The following TPX2 variants were observed in gnomAD, a reference collection of about 807,000 sequenced individuals.
The protein encoded by TPX2 is TPX2 microtubule nucleation factor.
Under a neutral mutation model 93.6 loss-of-function variants are expected in TPX2, and 21 were observed. The observed-to-expected ratio is 0.22, with a 90% CI of 0.16 to 0.32. The LOEUF (loss-of-function observed/expected upper bound fraction) is 0.32. TPX2 is among the 10% of genes least tolerant of loss of function. The pLI is 1.00. For synonymous variants in TPX2, 281 were observed against 298.3 expected, an observed-to-expected ratio of 0.94 and a Z score of 0.60; for missense variants, 776 against 871.1, an observed-to-expected ratio of 0.89 and a Z score of 1.37.
chr20:31,740,676 G>A (rs1028971494), intron 1 of TPX2, among the ~76,000 whole-genome samples: 13 of 152,204 alleles, frequency 8.5e-5, no homozygotes, highest in African/African-American at 3.1e-4. Flanking sequence ...GTGAGAATCA[G>A]AGCAAGATAG....
intron 7 of TPX2, among the ~76,000 whole-genome samples, chr20:31,773,705 T>A (rs1357416943): frequency 6.6e-6 from 1 of 152,238 alleles, no homozygotes; most frequent in African/African-American, 2.4e-5. Context: ...CATGAAATTA[T>A]TATTTTAAAA....
chr20:31,793,601 T>C (rs774045535), intron 13 of TPX2, among the ~76,000 whole-genome samples: 5 of 152,226 alleles, frequency 3.3e-5, no homozygotes, highest in Non-Finnish European at 7.3e-5. Context: ...TTCATAATGT[T>C]AGATCTTATT....
intron 12 of TPX2, among the ~76,000 whole-genome samples, chr20:31,789,512 G>A (rs893360917): frequency 4.0e-5 from 6 of 151,896 alleles, no homozygotes; most frequent in Non-Finnish European, 8.8e-5. Context: ...CAGTTACTAC[G>A]GGGTCTTCTA....
intron 7 of TPX2, 39 bp from the exon 8 acceptor site, chr20:31,775,828 C>G (rs747169813): frequency 6.9e-7 from 1 of 1,447,542 alleles, no homozygotes; most frequent in Non-Finnish European, 9.1e-7. Context: ...GGGTGCCTTT[C>G]TCCTCTCCTC....
intron 2 of TPX2, among the ~76,000 whole-genome samples, chr20:31,755,248 G>A (rs1271707984): frequency 1.3e-5 from 2 of 149,218 alleles, no homozygotes; most frequent in Non-Finnish European, 3.0e-5. Flanking sequence ...GTGCCCGGCC[G>A]CTTTTTTGTA....
chr20:31,746,347 T>G (rs1161768584), intron 2 of TPX2, among the ~76,000 whole-genome samples: 1 of 152,160 alleles, frequency 6.6e-6, no homozygotes, highest in Non-Finnish European at 1.5e-5. Flanking sequence ...AAAATGTAGG[T>G]GTTTTCTCTC....
intron 4 of TPX2, among the ~76,000 whole-genome samples, chr20:31,761,347 G>A (rs768961730): frequency 1.6e-4 from 24 of 151,766 alleles, no homozygotes; most frequent in Admixed American, 1.2e-3. Flanking sequence ...GATTACAGGC[G>A]CCCACCAGCA....
At chr20:31,775,707 T>C (rs2061991919) in intron 7 of TPX2, among the ~76,000 whole-genome samples, 160 bp from the exon 8 acceptor site, 1 of 152,210 alleles carries the variant, frequency 6.6e-6, no homozygotes, top group Non-Finnish European at 1.5e-5. Context: ...TTTCATGGTG[T>C]TATCTAATTA....
intron 4 of TPX2, 133 bp downstream of exon 4, chr20:31,760,312 C>A: frequency 1.7e-6 from 2 of 1,174,234 alleles, no homozygotes; most frequent in Non-Finnish European, 1.2e-6. Context: ...TAATTCATTT[C>A]ATGATAAATG....
At chr20:31,786,237 T>G (rs1031030544) in intron 12 of TPX2, among the ~76,000 whole-genome samples, 3 of 151,950 alleles carry the variant, frequency 2.0e-5, no homozygotes, top group Non-Finnish European at 2.9e-5. Context: ...ATACGAATCT[T>G]AGGTGATATG....
chr20:31,790,621 G>A (rs1263376387), intron 12 of TPX2, among the ~76,000 whole-genome samples: 1 of 152,196 alleles, frequency 6.6e-6, no homozygotes, highest in Non-Finnish European at 1.5e-5. Context: ...AACGGTTGCA[G>A]CATTGTTGGG....
chr20:31,786,738 G>C (rs915546948), intron 12 of TPX2, among the ~76,000 whole-genome samples: 1 of 152,222 alleles, frequency 6.6e-6, no homozygotes, highest in South Asian at 2.1e-4. Context: ...TTAGGAAATT[G>C]GTTTGTCAGT....
chr20:31,789,621 AC>A (rs1568605340), intron 12 of TPX2, among the ~76,000 whole-genome samples: 1 of 152,070 alleles, frequency 6.6e-6, no homozygotes, highest in Non-Finnish European at 1.5e-5. Flanking sequence ...ACAAAAAAAA[AC>A]AAAAAAAAAC....
In TPX2 at chr20:31,763,770, A is replaced by G. The variant is rs1172923223; in HGVS notation, c.230-2786A>G. Reference sequence around the variant, plus strand: ...CGTGATACCTCATGCCTGTAATCCCAGCACTTTGGGAGGCTGAGGTGGGCG... The same window carrying G: ...CGTGATACCTCATGCCTGTAATCCCGGCACTTTGGGAGGCTGAGGTGGGCG... On this transcript the variant is annotated intron_variant, in intron 4 of 17. Transcript: ENST00000300403. Among the ~76,000 whole-genome samples, 4 of 146,102 alleles carry G rather than the reference A, an allele frequency of 2.7e-5. No homozygotes were observed. In the Admixed American group the frequency reaches 2.8e-4, roughly 10 times the overall value.
intron 7 of TPX2, among the ~76,000 whole-genome samples, chr20:31,773,084 C>T (rs978343205): frequency 2.8e-5 from 4 of 143,288 alleles, no homozygotes; most frequent in Admixed American, 7.5e-5. Flanking sequence ...TCAAGTGATT[C>T]TCCTACCTCA....
Position 31,778,901 on chromosome 20 carries a change from A to G in TPX2, c.971A>G (p.Tyr324Cys), listed in dbSNP as rs779875849. ...ACATTTGATGAAACAGTTTCTACAT[A>G]TGTGCCCCTTGCACAGCAAGTTGAA... is the stretch of plus-strand genomic sequence containing the variant. ...KRTFDETVST[Y>C]VPLAQQVEDF... The change falls in exon 10 of 18, where the codon TAT (tyrosine) becomes TGT (cysteine). Residue 324 changes from tyrosine to cysteine, a missense_variant. By Grantham distance (194) the Tyr-to-Cys change is radical. Around this residue, in one of 3 missense-constraint regions of TPX2, gnomAD observed 461 missense variants for 551.2 expected, o/e 0.84. Coordinates refer to ENST00000300403, the MANE Select transcript of TPX2 (RefSeq NM_012112.5). The G allele has an allele frequency of 3.1e-6, 5 of 1,612,856 alleles. No individual in the cohort carries two copies. Among genetic ancestry groups the G allele is most frequent in the East Asian group, 4.5e-5 (2 of 44,826 alleles).
rs10528470 is a variant in TPX2, at chr20:31,776,050, G to GTTTTTTTT, written c.730+96_730+103dup. 152 of 331,390 alleles carry GTTTTTTTT rather than the reference G, an allele frequency of 4.6e-4. 29 individuals are homozygous for GTTTTTTTT. Among genetic ancestry groups the GTTTTTTTT allele is most frequent in the East Asian group, 2.8e-3 (9 of 3,208 alleles). 20.5% of individuals were successfully genotyped at this position (331,390 alleles called of 1,614,324 possible). On this transcript the variant is annotated intron_variant, in intron 8 of 17. Transcript: ENST00000300403. ...GTGGTTCTTAACACTCTTGGTAGGT[G>GTTTTTTTT]TTTTTTTTTTTTTTTTTTTTTTTTT... is the stretch of plus-strand genomic sequence containing the variant.
At position 31,770,450 on chromosome 20, in the gene TPX2, T is replaced by C. The variant is rs1251719181; in HGVS notation, c.464T>C (p.Leu155Pro). Residue 155 changes from leucine (L) to proline (P), a missense_variant, in exon 6 of 18, where the codon CTA (leucine) becomes CCA (proline). Physicochemically the swap from Leu to Pro is moderately conservative, Grantham distance 98. This residue lies in a region of TPX2 where 279 missense variants were observed against 261.6 expected (regional missense o/e 1.07). Transcript: ENST00000300403. ...ACTCCTGTAATCATCGATGAAATTC[T>C]ACCCTCTAAGAAAATGAAAGTGTGA... ...CATPVIIDEI[L>P]PSKKMKVSNN... The C allele has an allele frequency of 6.3e-7, 1 of 1,587,058 alleles. No individual in the cohort carries two copies. Among genetic ancestry groups the C allele is most frequent in the African/African-American group, 1.4e-5 (1 of 73,860 alleles).
At chr20:31,796,913 T>C (rs1568611814) in intron 15 of TPX2, among the ~76,000 whole-genome samples, 3 of 152,072 alleles carry the variant, frequency 2.0e-5, no homozygotes, top group African/African-American at 7.2e-5. Flanking sequence ...TGTTTCAATA[T>C]GTATAATGTG....
Sources: allele counts gnomAD v4.1 joint callset (sites outside exome capture counted in the v4.1 genomes callset), GRCh38; gene constraint gnomAD v4.1.1; regional missense constraint gnomAD v4.1.1; transcripts MANE v1.5; gene names NCBI Gene and HGNC (gene_info 2026-07-23, HGNC 2026-07-21).